MAGI2: variants seen among roughly 807,000 people sequenced by gnomAD.
MAGI2 encodes membrane-associated guanylate kinase, WW and PDZ domain-containing protein 2.
In MAGI2, 35 loss-of-function variants were observed where a neutral mutation model predicts 133.3. The observed-to-expected ratio is 0.26, with a 90% CI of 0.20 to 0.35. MAGI2 has a LOEUF of 0.35. Among genes scored for constraint, MAGI2 ranks in the 10% least tolerant of loss-of-function variants. MAGI2 has a pLI of 1.00. For synonymous variants in MAGI2, 729 were observed against 710.6 expected (o/e 1.03, Z -0.41); for missense variants, 1,636 against 1,863.4 (o/e 0.88, Z 2.25).
At position 78,386,583 on chromosome 7, in the gene MAGI2, A is replaced by C. The variant is rs568584495; in HGVS notation, c.1046-17370T>G. ...GGCATGTAAAGAGCCAGTCAGTCCCACAAATTAGGTAAGCCCTGTAGGCTT... is the reference window on the plus strand; with the variant it reads ...GGCATGTAAAGAGCCAGTCAGTCCCCCAAATTAGGTAAGCCCTGTAGGCTT... On this transcript the variant is annotated intron_variant, in intron 6 of 21. Transcript: ENST00000354212. Among the ~76,000 whole-genome samples the C allele has an allele frequency of 1.1e-3, 164 of 152,310 alleles. 2 individuals are homozygous for C. Among genetic ancestry groups the C allele is most frequent in the African/African-American group, 3.8e-3 (156 of 41,570 alleles).
At chr7:79,015,135 AT>A (rs1156311155) in intron 1 of MAGI2, among the ~76,000 whole-genome samples, 5 of 152,144 alleles carry the variant, frequency 3.3e-5, no homozygotes, top group Non-Finnish European at 5.9e-5. Flanking sequence ...AACATTTGAC[AT>A]TATTTTGTGT....
At chr7:79,393,503 A>C (rs958382785) in intron 1 of MAGI2, among the ~76,000 whole-genome samples, 2 of 152,174 alleles carry the variant, frequency 1.3e-5, no homozygotes, top group African/African-American at 4.8e-5. Context: ...AATGATACAA[A>C]TTAAGTTTTA....
rs533121227 is a variant in MAGI2 at position 79,058,868 on chromosome 7, T to C, written c.302-51662A>G. On this transcript the variant is annotated intron_variant, in intron 1 of 21. Transcript: ENST00000354212. ...AGGGCACCCCTGGGTAAATTACTTTTCCTCTCTAATCTTTAGTGTCCTTAT... is the reference window on the plus strand; with the variant it reads ...AGGGCACCCCTGGGTAAATTACTTTCCCTCTCTAATCTTTAGTGTCCTTAT... Among the ~76,000 whole-genome samples the C allele has an allele frequency of 2.0e-5, 3 of 152,218 alleles. No individual in the cohort carries two copies. The South Asian group carries it at 6.2e-4, about 32-fold the overall frequency.
chr7:79,037,854 G>T (rs561420983), intron 1 of MAGI2, among the ~76,000 whole-genome samples: 6 of 152,172 alleles, frequency 3.9e-5, no homozygotes, highest in Admixed American at 1.3e-4. Flanking sequence ...AATTTTTCTT[G>T]TAGAGTTTCT....
intron 16 of MAGI2, among the ~76,000 whole-genome samples, chr7:78,145,491 T>C (rs894372692): frequency 6.6e-6 from 1 of 152,178 alleles, no homozygotes; most frequent in Non-Finnish European, 1.5e-5. Context: ...GCAACTCTCA[T>C]TAGATATTGG....
intron 16 of MAGI2, 200 bp downstream of exon 16, chr7:78,159,825 T>C (rs1026209910): frequency 1.0e-5 from 5 of 485,032 alleles, no homozygotes; most frequent in Non-Finnish European, 3.4e-6. Context: ...AGTTGTGTTC[T>C]TGCCTTCTTC....
intron 9 of MAGI2, among the ~76,000 whole-genome samples, chr7:78,287,758 A>G (rs1407418333): frequency 1.3e-5 from 2 of 152,190 alleles, no homozygotes; most frequent in Admixed American, 6.6e-5. Flanking sequence ...TTAGTTTCAT[A>G]GCAATCATTT....
At chr7:79,335,020 A>G (rs1428464032) in intron 1 of MAGI2, among the ~76,000 whole-genome samples, 1 of 152,150 alleles carries the variant, frequency 6.6e-6, no homozygotes, top group Non-Finnish European at 1.5e-5. Context: ...CTCAAGCATA[A>G]GTGCTTTGGT....
At chr7:78,923,783 G>A (rs1182069086) in intron 2 of MAGI2, among the ~76,000 whole-genome samples, 1 of 151,932 alleles carries the variant, frequency 6.6e-6, no homozygotes, top group African/African-American at 2.4e-5. Flanking sequence ...ATTACCTTGG[G>A]CAGTATGGCC....
At chr7:78,156,636 T>C (rs1824413872) in intron 16 of MAGI2, among the ~76,000 whole-genome samples, 3 of 151,952 alleles carry the variant, frequency 2.0e-5, no homozygotes, top group African/African-American at 4.8e-5. Context: ...AAAGAGGTCA[T>C]GTAACTTCCT....
chr7:78,172,216 C>T (rs1236215172), intron 14 of MAGI2, among the ~76,000 whole-genome samples: 1 of 152,202 alleles, frequency 6.6e-6, no homozygotes, highest in African/African-American at 2.4e-5. Flanking sequence ...AACCACCTTT[C>T]CAGGCCTTTT....
rs1231911438 is a variant in MAGI2 at position 79,016,770 on chromosome 7, C to T, written c.302-9564G>A. ...AGCATGGAAACTGGAGACTGTCAGC[C>T]CCACACCCACCTGCACCCCACCCCT... On this transcript the variant is annotated intron_variant, in intron 1 of 21. Coordinates refer to ENST00000354212, the MANE Select transcript of MAGI2 (RefSeq NM_012301.4). 2.0e-5 allele frequency among the ~76,000 whole-genome samples: 3 copies of T among 152,132 alleles called. No homozygotes were observed. In the East Asian group the frequency reaches 5.8e-4, roughly 29 times the overall value.
chr7:79,383,582 A>G (rs1360871587), intron 1 of MAGI2, among the ~76,000 whole-genome samples: 1 of 151,562 alleles, frequency 6.6e-6, no homozygotes, highest in Non-Finnish European at 1.5e-5. Context: ...AAATATTTAA[A>G]ATGTAATGTT....
intron 2 of MAGI2, among the ~76,000 whole-genome samples, chr7:78,900,001 G>A (rs1358697567): frequency 6.6e-6 from 1 of 152,110 alleles, no homozygotes; most frequent in African/African-American, 2.4e-5. Context: ...CCTAAAAGTG[G>A]ATGCATTCTG....
chr7:78,643,776 C>G lies in MAGI2; in HGVS notation c.419-16537G>C, dbSNP rs557758020. 2.0e-5 allele frequency among the ~76,000 whole-genome samples: 3 copies of G among 152,130 alleles called. No homozygotes were observed. In the East Asian group the frequency reaches 5.8e-4, roughly 29 times the overall value. ...AATGGTGGCATACTATTGTAAGATT[C>G]TTACCCTATATATGAAGTGATGTAT... On this transcript the variant is annotated intron_variant, in intron 2 of 21. Coordinates refer to ENST00000354212, the MANE Select transcript of MAGI2 (RefSeq NM_012301.4).
rs113345012 is a variant in MAGI2 at position 78,567,161 on chromosome 7, T to C, written c.539-45516A>G. 9.3e-3 allele frequency among the ~76,000 whole-genome samples: 1,420 copies of C among 152,322 alleles called. 16 individuals are homozygous for C. The highest frequency in any genetic ancestry group is 0.033 in the African/African-American group (1,364 of 41,572). ...TAACTCTTTTGAAAAAGTAAATTCA[T>C]AGTTGATAGGAAACCTTGACATTCA... On this transcript the variant is annotated intron_variant, in intron 3 of 21. Coordinates refer to ENST00000354212, the MANE Select transcript of MAGI2 (RefSeq NM_012301.4).
At chr7:78,271,350 G>A (rs1794559854) in intron 9 of MAGI2, among the ~76,000 whole-genome samples, 1 of 152,160 alleles carries the variant, frequency 6.6e-6, no homozygotes, top group South Asian at 2.1e-4. Context: ...GCTGGATTCG[G>A]TTTGCCAGTA....
Position 79,390,781 on chromosome 7 carries a change from C to A in MAGI2, c.301+62239G>T, listed in dbSNP as rs190753960. Among the ~76,000 whole-genome samples, 8 of 152,212 alleles carry A rather than the reference C, an allele frequency of 5.3e-5. No homozygotes were observed. The East Asian group carries it at 1.5e-3, about 29-fold the overall frequency. The stretch of plus-strand genomic sequence containing the variant: ...AGGGCAAGAAAGTTTTGGTAGAGAG[C>A]AAAAACTTGGGAAGAGCAACATTCA... On this transcript the variant is annotated intron_variant, in intron 1 of 21. Coordinates refer to ENST00000354212, the MANE Select transcript of MAGI2 (RefSeq NM_012301.4).
chr7:78,290,236 CAAATT>C (rs1234311347), intron 9 of MAGI2, among the ~76,000 whole-genome samples: 27 of 152,206 alleles, frequency 1.8e-4, no homozygotes, highest in Non-Finnish European at 2.8e-4. Context: ...CACATAGACT[CAAATT>C]AAAGGGATGG....
Sources: gnomAD v4.1 joint callset for allele counts (sites outside exome capture counted in the v4.1 genomes callset) on GRCh38, gnomAD v4.1.1 for gene constraint, MANE v1.5 for transcripts, NCBI Gene and HGNC (gene_info 2026-07-23, HGNC 2026-07-21) for gene names.